Variants in FNIP1 observed in about 807,000 individuals in gnomAD.
The protein encoded by FNIP1 is folliculin interacting protein 1.
In FNIP1, 40 loss-of-function variants were observed where a neutral mutation model predicts 124.5. The observed-to-expected ratio is 0.32, with a 90% CI of 0.25 to 0.42. FNIP1 has a LOEUF of 0.42. FNIP1 is among the 10% of genes least tolerant of loss of function. FNIP1 has a pLI of 1.00. For missense variants in FNIP1, 1,176 were observed against 1,403.7 expected (o/e 0.84, Z 2.59); for synonymous variants, 472 against 470.6 (o/e 1.00, Z -0.04).
chr5:131,671,395 G>C, intron 14 of FNIP1, 110 bp downstream of exon 14: 1 of 899,916 alleles, frequency 1.1e-6, no homozygotes, highest in East Asian at 2.5e-5. Flanking sequence ...GAAAACAAGA[G>C]AGCTATCCAG....
At chr5:131,769,032 CT>C (rs1771537883) in intron 1 of FNIP1, among the ~76,000 whole-genome samples, 1 of 152,012 alleles carries the variant, frequency 6.6e-6, no homozygotes, top group Non-Finnish European at 1.5e-5. Context: ...CAATGTCAAG[CT>C]TTTAATTTAC....
At chr5:131,652,785 G>C (rs1197887391) in intron 15 of FNIP1, among the ~76,000 whole-genome samples, 1 of 151,962 alleles carries the variant, frequency 6.6e-6, no homozygotes, top group East Asian at 1.9e-4. Flanking sequence ...AACATAGCCA[G>C]ACCTCGTCTC....
At chr5:131,708,800 A>T (rs1224183788) in intron 8 of FNIP1, among the ~76,000 whole-genome samples, 1 of 152,162 alleles carries the variant, frequency 6.6e-6, no homozygotes, top group African/African-American at 2.4e-5. Context: ...AAAAAAAAAA[A>T]AAGTATAACA....
intron 6 of FNIP1, among the ~76,000 whole-genome samples, chr5:131,711,352 C>T (rs1285541516): frequency 6.6e-6 from 1 of 152,134 alleles, no homozygotes. Context: ...GTCTGAAGAC[C>T]CAAGAAGGAC....
At chr5:131,667,507 A>C (rs1767635828) in intron 15 of FNIP1, among the ~76,000 whole-genome samples, 1 of 152,164 alleles carries the variant, frequency 6.6e-6, no homozygotes, top group South Asian at 2.1e-4. Context: ...CTAACAATTG[A>C]CTGTTGCTCA....
rs1009860041 is a variant in FNIP1 at position 131,644,754 on chromosome 5, G to C, written c.3432C>G (p.Ser1144=). ...KELGVVLGIE[S]SDLPLLAAVA... ...CAGCAGCCAGAAGTGGAAGATCACT[G>C]GATTCAATCCTGAAATAAAGGGGAA... is the stretch of plus-strand genomic sequence containing the variant. Residue 1144 remains serine, a synonymous_variant, in exon 18 of 18, where the codon TCC becomes TCG. Transcript: ENST00000510461. 7.4e-6 allele frequency: 12 copies of C among 1,613,754 alleles called. No homozygotes were observed. The highest frequency in any genetic ancestry group is 1.0e-5 in the Non-Finnish European group (12 of 1,179,850).
At chr5:131,742,239 G>A (rs539254899) in intron 2 of FNIP1, among the ~76,000 whole-genome samples, 24 of 152,250 alleles carry the variant, frequency 1.6e-4, no homozygotes, top group Middle Eastern at 3.4e-3. Context: ...CAAAGCAGGC[G>A]GTTCGCTTGA....
chr5:131,788,695 A>AG (rs1772300562), intron 1 of FNIP1, among the ~76,000 whole-genome samples: 1 of 109,946 alleles, frequency 9.1e-6, no homozygotes, highest in Admixed American at 8.1e-5. Context: ...ACTCTGTCTC[A>AG]AAAAAAAAAA....
intron 6 of FNIP1, among the ~76,000 whole-genome samples, chr5:131,713,325 C>T (rs762087502): frequency 6.6e-6 from 1 of 152,122 alleles, no homozygotes; most frequent in Non-Finnish European, 1.5e-5. Context: ...GGATTACAGG[C>T]GTGAGCCACC....
intron 9 of FNIP1, among the ~76,000 whole-genome samples, chr5:131,704,730 A>C (rs1033980306): frequency 2.6e-5 from 4 of 152,240 alleles, no homozygotes; most frequent in African/African-American, 9.6e-5. Flanking sequence ...ATTAAAAACT[A>C]ATCTTTCAAG....
chr5:131,743,012 GT>G (rs911602061), intron 2 of FNIP1, among the ~76,000 whole-genome samples: 12 of 152,068 alleles, frequency 7.9e-5, no homozygotes, highest in African/African-American at 2.9e-4. Flanking sequence ...TTACTTTAAG[GT>G]TTTTTTCCCA....
intron 2 of FNIP1, among the ~76,000 whole-genome samples, chr5:131,731,719 T>A (rs1770100542): frequency 1.3e-5 from 2 of 151,622 alleles, no homozygotes; most frequent in East Asian, 3.9e-4. Flanking sequence ...ATCCCAAGAG[T>A]CTTTTGTGTA....
At chr5:131,706,686 C>T in intron 8 of FNIP1, 140 bp from the exon 9 acceptor site, 1 of 873,182 alleles carries the variant, frequency 1.1e-6, no homozygotes, top group Non-Finnish European at 1.6e-6. Context: ...TAAAAGAACA[C>T]ATCCTTCTTG....
intron 10 of FNIP1, among the ~76,000 whole-genome samples, chr5:131,699,916 CAAAAAAAA>C (rs3033727): frequency 2.1e-5 from 2 of 93,666 alleles, no homozygotes; most frequent in Admixed American, 1.6e-4. Context: ...AAGACTGTTT[CAAAAAAAA>C]AAAAAAAAAA....
chr5:131,699,788 C>G (rs949454294), intron 10 of FNIP1, among the ~76,000 whole-genome samples: 4 of 151,482 alleles, frequency 2.6e-5, no homozygotes, highest in Admixed American at 6.6e-5. Flanking sequence ...TGTTGACACA[C>G]GCCTGTAATC....
chr5:131,658,649 C>T (rs935143656), intron 15 of FNIP1, among the ~76,000 whole-genome samples: 3 of 151,972 alleles, frequency 2.0e-5, no homozygotes, highest in Admixed American at 2.0e-4. Context: ...ATATAATTTA[C>T]ATGAAAGCAA....
chr5:131,793,251 C>T (rs1262827473), intron 1 of FNIP1, among the ~76,000 whole-genome samples: 1 of 152,088 alleles, frequency 6.6e-6, no homozygotes, highest in Non-Finnish European at 1.5e-5. Flanking sequence ...CCTGGCTGGT[C>T]TTGAACTCCT....
chr5:131,717,163 G>C (rs1052230505), intron 5 of FNIP1, among the ~76,000 whole-genome samples: 2 of 142,512 alleles, frequency 1.4e-5, no homozygotes, highest in Admixed American at 7.1e-5. Flanking sequence ...ACAGGCCCCA[G>C]TGTGTGATGT....
At chr5:131,661,218 TTTTG>T (rs1332607876) in intron 15 of FNIP1, among the ~76,000 whole-genome samples, 24 of 10,946 alleles carry the variant, frequency 2.2e-3, no homozygotes, top group African/African-American at 4.7e-3. Flanking sequence ...CTTGTCTTTG[TTTTG>T]TGTGTGTGTG....
Sources: allele counts gnomAD v4.1 joint callset (sites outside exome capture counted in the v4.1 genomes callset), GRCh38; gene constraint gnomAD v4.1.1; transcripts MANE v1.5; gene names NCBI Gene and HGNC (gene_info 2026-07-23, HGNC 2026-07-21).